Variants in MEIG1 observed in about 807,000 individuals in gnomAD.
The protein encoded by MEIG1 is meiosis/spermiogenesis associated 1.
In MEIG1, 12 loss-of-function variants were observed where a neutral mutation model predicts 11.3. The ratio of observed to expected loss-of-function variants is 1.07; its 90% confidence interval spans 0.68 to 1.73. MEIG1 has a LOEUF of 1.73. Ranked by LOEUF, MEIG1 falls within the 40% of genes most tolerant of loss-of-function variation. The pLI is 0.00. For synonymous variants in MEIG1, 41 were observed against 33.2 expected (o/e 1.24, Z -0.81); for missense variants, 119 against 104.9 (o/e 1.13, Z -0.59).
At chr10:14,963,101 T>TC (rs1554805640) in intron 1 of MEIG1, among the ~76,000 whole-genome samples, 2 of 151,292 alleles carry the variant, frequency 1.3e-5, no homozygotes, top group East Asian at 1.9e-4. Flanking sequence ...ACTTTTTTTT[T>TC]TCTCTCTTAA....
At chr10:14,958,195 G>A (rs918222166), upstream of MEIG1, among the ~76,000 whole-genome samples, 1 of 152,196 alleles carries the variant, frequency 6.6e-6, no homozygotes, top group African/African-American at 2.4e-5. Context: ...GGTGTTTGGG[G>A]AGGTTGTTTT....
At chr10:14,973,058 A>G (rs571948806), downstream of MEIG1, among the ~76,000 whole-genome samples, 4 of 151,934 alleles carry the variant, frequency 2.6e-5, no homozygotes, top group East Asian at 7.8e-4. Flanking sequence ...TAGAGATATG[A>G]TTTCATCACG....
At chr10:14,960,741 C>T (rs1341396386) in intron 1 of MEIG1, among the ~76,000 whole-genome samples, 1 of 151,642 alleles carries the variant, frequency 6.6e-6, no homozygotes, top group Non-Finnish European at 1.5e-5. Flanking sequence ...AATAACGTGC[C>T]CGAGGCCGGG....
At chr10:14,961,807 T>A (rs1276616552) in intron 1 of MEIG1, among the ~76,000 whole-genome samples, 1 of 141,922 alleles carries the variant, frequency 7.0e-6, no homozygotes, top group Non-Finnish European at 1.6e-5. Context: ...TTATTTATTT[T>A]TTTAACATTT....
chr10:14,981,064 C>T (rs1843258011), intron 1 of MEIG1, among the ~76,000 whole-genome samples: 1 of 152,112 alleles, frequency 6.6e-6, no homozygotes, highest in Admixed American at 6.6e-5. Flanking sequence ...AGTATCATTC[C>T]ACAAGTTCTT....
chr10:14,961,789 ATTTT>A (rs1393475178), intron 1 of MEIG1, among the ~76,000 whole-genome samples: 1 of 83,398 alleles, frequency 1.2e-5, no homozygotes, highest in Non-Finnish European at 2.9e-5. Context: ...CAAAACGTTT[ATTTT>A]TATTTATTTA....
chr10:14,966,626 A>C lies in MEIG1; in HGVS notation c.138+20A>C, dbSNP rs1462545840. 5 of 1,598,674 alleles carry C rather than the reference A, an allele frequency of 3.1e-6. No homozygotes were observed. The highest frequency in any genetic ancestry group is 4.3e-6 in the Non-Finnish European group (5 of 1,174,690). On this transcript the variant is annotated intron_variant, in intron 2 of 2. Coordinates refer to ENST00000407572, the MANE Select transcript of MEIG1 (RefSeq NM_001080836.3). ...TCTATGGTAAGATTTCTGTCTCTACAAACCTCAACTCGAAATGTATTTCTC... is the reference window on the plus strand; with the variant it reads ...TCTATGGTAAGATTTCTGTCTCTACCAACCTCAACTCGAAATGTATTTCTC...
At chr10:14,970,132 G>A (rs1843132793) in intron 2 of MEIG1, 1 of 152,200 alleles carries the variant, frequency 6.6e-6, no homozygotes. Flanking sequence ...CCAGTGTGCA[G>A]TGGTTTGAGG....
Position 14,972,684 on chromosome 10 carries a change from C to G in MEIG1, c.*43C>G, listed in dbSNP as rs766145467. The G allele has an allele frequency of 2.0e-6, 3 of 1,497,576 alleles. No individual in the cohort carries two copies. Among genetic ancestry groups the G allele is most frequent in the Non-Finnish European group, 9.0e-7 (1 of 1,110,764 alleles). The allele number at this position is 1,497,576 out of a possible 1,614,324, so 92.8% of individuals were successfully genotyped here. ...ACTTGTCAATTATATTTTAAGTATT[C>G]ATCATTTCCTTCTACATCATGTGTT... On this transcript the variant is annotated 3_prime_UTR_variant, in exon 3 of 3. Transcript: ENST00000407572.
At chr10:14,969,713 G>C (rs893067701) in intron 2 of MEIG1, among the ~76,000 whole-genome samples, 4 of 152,030 alleles carry the variant, frequency 2.6e-5, no homozygotes, top group Non-Finnish European at 2.9e-5. Flanking sequence ...GTGCACACAT[G>C]TAATCCCAGC....
downstream of MEIG1, among the ~76,000 whole-genome samples, chr10:14,976,876 T>C (rs1217244054): frequency 6.6e-6 from 1 of 152,094 alleles, no homozygotes; most frequent in Non-Finnish European, 1.5e-5. Context: ...AGGAGTTCAC[T>C]ACTCATTTCA....
intron 1 of MEIG1, among the ~76,000 whole-genome samples, chr10:14,963,698 C>T (rs548259855): frequency 2.0e-5 from 3 of 152,142 alleles, no homozygotes; most frequent in African/African-American, 2.4e-5. Flanking sequence ...GGTGCGGTGG[C>T]TTACACCTGT....
intron 1 of MEIG1, among the ~76,000 whole-genome samples, chr10:14,986,280 G>C (rs564966587): frequency 1.3e-5 from 2 of 152,110 alleles, no homozygotes; most frequent in East Asian, 3.9e-4. Context: ...AGCCAAGATT[G>C]CACCATCACA....
downstream of MEIG1, among the ~76,000 whole-genome samples, chr10:14,976,266 C>T (rs7908491): frequency 0.61 from 92,221 of 151,592 alleles, 28,626 homozygotes; most frequent in Admixed American, 0.72. Context: ...CACCCTGCTG[C>T]ATTATTCATA....
At chr10:14,965,295 T>C (rs962867466) in intron 1 of MEIG1, among the ~76,000 whole-genome samples, 5 of 152,246 alleles carry the variant, frequency 3.3e-5, no homozygotes, top group African/African-American at 4.8e-5. Flanking sequence ...ATGACTGATA[T>C]ATTTTGTTAA....
downstream of MEIG1, among the ~76,000 whole-genome samples, chr10:14,977,727 A>AC (rs1843225701): frequency 2.0e-5 from 3 of 151,984 alleles, no homozygotes; most frequent in African/African-American, 4.8e-5. Flanking sequence ...CTAGTAACCC[A>AC]CAGAGGGTAC....
At chr10:14,973,611 A>C (rs1843175953), downstream of MEIG1, among the ~76,000 whole-genome samples, 1 of 152,048 alleles carries the variant, frequency 6.6e-6, no homozygotes, top group Non-Finnish European at 1.5e-5. Flanking sequence ...CTACTAAAAA[A>C]TACAAAAAAT....
chr10:14,962,360 G>A (rs1843024243), intron 1 of MEIG1, among the ~76,000 whole-genome samples: 1 of 152,164 alleles, frequency 6.6e-6, no homozygotes, highest in African/African-American at 2.4e-5. Flanking sequence ...AGTCACTAGA[G>A]TTCCTACTAT....
chr10:14,982,938 AATTAAT>A (rs1277652602), intron 1 of MEIG1, among the ~76,000 whole-genome samples: 1 of 152,152 alleles, frequency 6.6e-6, no homozygotes. Flanking sequence ...AGCTCCTAAT[AATTAAT>A]GTTAATGTTA....
Sources: allele counts gnomAD v4.1 joint callset (sites outside exome capture counted in the v4.1 genomes callset), GRCh38; gene constraint gnomAD v4.1.1; transcripts MANE v1.5; gene names NCBI Gene and HGNC (gene_info 2026-07-23, HGNC 2026-07-21).